Variants in MDGA2 observed in about 807,000 individuals in gnomAD.
The protein encoded by MDGA2 is MAM domain containing glycosylphosphatidylinositol anchor 2.
MDGA2 carries 40 observed loss-of-function variants against 117.8 expected under a neutral mutation model. The ratio of observed to expected loss-of-function variants is 0.34; its 90% confidence interval spans 0.26 to 0.44. The LOEUF is 0.44. Among genes scored for constraint, MDGA2 ranks in the 20% least tolerant of loss-of-function variants. The probability of loss-of-function intolerance (pLI) is 1.00; values close to 1 mark genes in which losing one functional copy is unlikely to be tolerated. For synonymous variants in MDGA2, 452 were observed against 439.0 expected (o/e 1.03, Z -0.37); for missense variants, 1,123 against 1,250.6 (o/e 0.90, Z 1.54).
Position 47,547,101 on chromosome 14 carries a change from C to T in MDGA2, c.280+127416G>A, listed in dbSNP as rs548048828. Among the ~76,000 whole-genome samples the T allele has an allele frequency of 2.3e-4, 35 of 152,130 alleles. No homozygotes were observed. The South Asian group carries it at 6.6e-3, about 29-fold the overall frequency. ...AATGAGGGTGTCTCACATGAATTAC[C>T]AAAAGGAAATCTAGACTAAAACAGC... On this transcript the variant is annotated intron_variant, in intron 1 of 16. Coordinates refer to ENST00000399232, the MANE Select transcript of MDGA2 (RefSeq NM_001113498.3).
intron 6 of MDGA2, among the ~76,000 whole-genome samples, chr14:47,088,342 T>C (rs777835664): frequency 5.9e-5 from 9 of 152,200 alleles, no homozygotes; most frequent in Non-Finnish European, 1.0e-4. Flanking sequence ...GAATATTAAA[T>C]TGGGAAAAGA....
intron 1 of MDGA2, among the ~76,000 whole-genome samples, chr14:47,538,455 G>A (rs1421703561): frequency 6.6e-6 from 1 of 152,146 alleles, no homozygotes; most frequent in African/African-American, 2.4e-5. Context: ...AAGTCAAAGT[G>A]TTTCAGTCTA....
chr14:47,594,269 T>A (rs75598411), intron 1 of MDGA2, among the ~76,000 whole-genome samples: 2 of 152,150 alleles, frequency 1.3e-5, no homozygotes. Flanking sequence ...TAGAACATGG[T>A]GAGGAGATGG....
At chr14:47,131,194 T>G (rs896424517) in intron 5 of MDGA2, among the ~76,000 whole-genome samples, 7 of 152,080 alleles carry the variant, frequency 4.6e-5, no homozygotes, top group Admixed American at 2.0e-4. Context: ...TTACCGTTAT[T>G]CTGGGGTCTA....
chr14:47,675,057 A>G lies in MDGA2; in HGVS notation c.-261T>C, dbSNP rs1190348088. 3 of 168,626 alleles carry G rather than the reference A, an allele frequency of 1.8e-5. No individual in the cohort carries two copies. Among genetic ancestry groups the G allele is most frequent in the Admixed American group, 6.4e-5 (1 of 15,718 alleles). 10.4% of individuals were successfully genotyped at this position (168,626 alleles called of 1,614,324 possible). A position where few individuals can be genotyped will look rare whatever the true frequency, so the allele number is the denominator to read the frequency against. The stretch of plus-strand genomic sequence containing the variant: ...CAGGGGGCCGGGGGTGCCGCGCGGT[A>G]GGAGCCTGGCTTGGACAGCCGAGGA... On this transcript the variant is annotated 5_prime_UTR_variant, in exon 1 of 17. Transcript: ENST00000399232.
chr14:47,205,740 A>G (rs1885659404), intron 3 of MDGA2, among the ~76,000 whole-genome samples: 1 of 152,032 alleles, frequency 6.6e-6, no homozygotes, highest in African/African-American at 2.4e-5. Context: ...CTGAGAGCTA[A>G]CACAAGGAGA....
intron 1 of MDGA2, among the ~76,000 whole-genome samples, chr14:47,368,714 G>T (rs1891282523): frequency 6.6e-6 from 1 of 152,192 alleles, no homozygotes; most frequent in East Asian, 1.9e-4. Flanking sequence ...ATTTATTCAG[G>T]TTTTACGTTG....
chr14:47,182,984 T>C (rs1594703562), intron 3 of MDGA2, among the ~76,000 whole-genome samples: 1 of 152,176 alleles, frequency 6.6e-6, no homozygotes, highest in East Asian at 1.9e-4. Flanking sequence ...TTGATGATAA[T>C]GTCTAATTAT....
intron 1 of MDGA2, among the ~76,000 whole-genome samples, chr14:47,561,171 G>GTTTTTTTTTTTTTTT (rs1594918273): frequency 3.2e-4 from 22 of 68,468 alleles, no homozygotes; most frequent in South Asian, 6.5e-4. Flanking sequence ...TTGTTTTTTT[G>GTTTTTTTTTTTTTTT]TTTGTTTGTT....
intron 1 of MDGA2, among the ~76,000 whole-genome samples, chr14:47,593,957 T>C (rs1190564543): frequency 6.6e-6 from 1 of 152,186 alleles, no homozygotes; most frequent in East Asian, 1.9e-4. Flanking sequence ...AAATATTTCT[T>C]GCAGAGAGAT....
At chr14:47,382,617 T>A (rs1566762827) in intron 1 of MDGA2, among the ~76,000 whole-genome samples, 1 of 152,232 alleles carries the variant, frequency 6.6e-6, no homozygotes, top group Non-Finnish European at 1.5e-5. Context: ...TCATCATCAC[T>A]GGCCATCAGA....
rs139074811 is a variant in MDGA2 at position 46,899,655 on chromosome 14, C to T, written c.2239-17434G>A. On this transcript the variant is annotated intron_variant, in intron 10 of 16. Transcript: ENST00000399232. ...ATGCAATTAATGTTAAATTTTTAAC[C>T]GAAATGTAAGACAAAAATTTTAAAT... Among the ~76,000 whole-genome samples the T allele has an allele frequency of 3.5e-4, 53 of 150,598 alleles. 2 individuals carry two copies. In the South Asian group the frequency reaches 7.5e-3, roughly 21 times the overall value.
intron 1 of MDGA2, among the ~76,000 whole-genome samples, chr14:47,328,538 A>T (rs1355397632): frequency 3.3e-5 from 5 of 152,202 alleles, no homozygotes; most frequent in Non-Finnish European, 4.4e-5. Flanking sequence ...AAGAAACTTC[A>T]TTCACACTGT....
intron 3 of MDGA2, among the ~76,000 whole-genome samples, chr14:47,177,800 TAAAA>T (rs1177792801): frequency 6.6e-6 from 1 of 152,068 alleles, no homozygotes; most frequent in African/African-American, 2.4e-5. Context: ...TAAAGTATAA[TAAAA>T]TAAAATAAAA....
chr14:47,177,311 A>C (rs1215772915), intron 3 of MDGA2, among the ~76,000 whole-genome samples: 5 of 152,182 alleles, frequency 3.3e-5, no homozygotes, highest in Non-Finnish European at 7.3e-5. Flanking sequence ...GTATATACCC[A>C]AAGGATTATA....
chr14:47,267,996 T>C (rs555558571), intron 2 of MDGA2, among the ~76,000 whole-genome samples: 21 of 152,298 alleles, frequency 1.4e-4, no homozygotes, highest in African/African-American at 4.8e-4. Flanking sequence ...ATTTTGTTTA[T>C]GGGCTTAAGT....
At chr14:47,439,124 A>T (rs1205829906) in intron 1 of MDGA2, among the ~76,000 whole-genome samples, 1 of 152,140 alleles carries the variant, frequency 6.6e-6, no homozygotes, top group South Asian at 2.1e-4. Context: ...TTAATAATAA[A>T]AAAAAAGAAA....
At chr14:47,656,963 T>A (rs559034207) in intron 1 of MDGA2, among the ~76,000 whole-genome samples, 2 of 152,176 alleles carry the variant, frequency 1.3e-5, no homozygotes, top group Non-Finnish European at 2.9e-5. Flanking sequence ...AGCGATCCTT[T>A]GTACCTTTTC....
intron 1 of MDGA2, among the ~76,000 whole-genome samples, chr14:47,592,852 A>G (rs1030617632): frequency 6.6e-6 from 1 of 152,240 alleles, no homozygotes; most frequent in Non-Finnish European, 1.5e-5. Context: ...CGAAAATGTC[A>G]AAAGTAATTG....
Sources: gnomAD v4.1 joint callset for allele counts (sites outside exome capture counted in the v4.1 genomes callset) on GRCh38, gnomAD v4.1.1 for gene constraint, MANE v1.5 for transcripts, NCBI Gene and HGNC (gene_info 2026-07-23, HGNC 2026-07-21) for gene names.